Variants in PRKCH observed in about 807,000 individuals in gnomAD.
The protein encoded by PRKCH is protein kinase C eta, also known as protein kinase C eta type.
PRKCH carries 28 observed loss-of-function variants against 82.5 expected under a neutral mutation model. The ratio of observed to expected loss-of-function variants is 0.34; its 90% CI spans 0.25 to 0.47. PRKCH has a LOEUF of 0.47. Among genes scored for constraint, PRKCH ranks in the 20% least tolerant of loss-of-function variants. The pLI is 1.00. For missense variants in PRKCH, 705 were observed against 881.8 expected (o/e 0.80, Z 2.54); for synonymous variants, 322 against 327.4 (o/e 0.98, Z 0.18).
intron 1 of PRKCH, among the ~76,000 whole-genome samples, chr14:61,236,882 G>C (rs1159184563): frequency 6.6e-6 from 1 of 151,992 alleles, no homozygotes; most frequent in African/African-American, 2.4e-5. Flanking sequence ...GTCTAAAAAG[G>C]GGATGCATGA....
At position 61,280,404 on chromosome 14, in the gene PRKCH, C is replaced by G. The variant is rs1482285923; in HGVS notation, c.-19+92736C>G. 1.2e-6 allele frequency: 2 copies of G among 1,614,012 alleles called. No homozygotes were observed. Among genetic ancestry groups the G allele is most frequent in the South Asian group, 2.2e-5 (2 of 91,082 alleles). On this transcript the variant is annotated intron_variant, in intron 1 of 3. Transcript: ENST00000555185. The surrounding 1 kb of genome is among the most constrained non-coding windows in gnomAD (Gnocchi z 5.0). The stretch of plus-strand genomic sequence containing the variant: ...CCGTGCGCATCCACACCACGAAGTC[C>G]TGATTGATGAAGCCGGTGTTGTTGG...
At chr14:61,245,170 C>A (rs534610350) in intron 1 of PRKCH, among the ~76,000 whole-genome samples, 1 of 152,240 alleles carries the variant, frequency 6.6e-6, no homozygotes, top group African/African-American at 2.4e-5. Context: ...TTGGAGCTTG[C>A]AAATCAATTT....
intron 1 of PRKCH, among the ~76,000 whole-genome samples, chr14:61,302,804 A>G (rs546225029): frequency 6.6e-6 from 1 of 152,202 alleles, no homozygotes; most frequent in African/African-American, 2.4e-5. Context: ...CACGAGATCT[A>G]TCTTGGTAAC....
intron 1 of PRKCH, among the ~76,000 whole-genome samples, chr14:61,343,517 G>C (rs193026330): frequency 6.6e-6 from 1 of 152,274 alleles, no homozygotes; most frequent in East Asian, 1.9e-4. Flanking sequence ...TTCTGGAGCT[G>C]TGATAGAACC....
At chr14:61,205,056 C>T (rs2044511788) in intron 1 of PRKCH, among the ~76,000 whole-genome samples, 1 of 152,002 alleles carries the variant, frequency 6.6e-6, no homozygotes, top group Admixed American at 6.6e-5. Context: ...TTAAAAAGTC[C>T]TGGGTTCTCC....
At chr14:61,504,613 G>A (rs1264907522) in intron 10 of PRKCH, among the ~76,000 whole-genome samples, 1 of 152,130 alleles carries the variant, frequency 6.6e-6, no homozygotes, top group Non-Finnish European at 1.5e-5. Context: ...AAATTGAGAG[G>A]GGTCCCTCTG....
chr14:61,407,612 G>A (rs905158557), intron 2 of PRKCH, among the ~76,000 whole-genome samples: 1 of 152,144 alleles, frequency 6.6e-6, no homozygotes, highest in Non-Finnish European at 1.5e-5. Flanking sequence ...GCTCAAATGT[G>A]TCTGGGAGCT....
chr14:61,364,451 T>C (rs2046272204), intron 1 of PRKCH, among the ~76,000 whole-genome samples: 1 of 151,992 alleles, frequency 6.6e-6, no homozygotes, highest in Non-Finnish European at 1.5e-5. Flanking sequence ...CAGCAGATAC[T>C]GAGACTGGTC....
intron 10 of PRKCH, among the ~76,000 whole-genome samples, chr14:61,495,224 T>C (rs8003792): frequency 0.98 from 149,000 of 152,362 alleles, 72,929 homozygotes; most frequent in East Asian, 1. Flanking sequence ...GACATTTAAG[T>C]CCTGGGACAC....
At chr14:61,499,072 T>G (rs1191920744) in intron 10 of PRKCH, among the ~76,000 whole-genome samples, 1 of 152,146 alleles carries the variant, frequency 6.6e-6, no homozygotes, top group African/African-American at 2.4e-5. Flanking sequence ...TTTGGCTCAT[T>G]AAGCCATGCA....
At chr14:61,420,294 G>A (rs527484293) in intron 2 of PRKCH, among the ~76,000 whole-genome samples, 9 of 152,282 alleles carry the variant, frequency 5.9e-5, no homozygotes, top group Admixed American at 5.2e-4. Context: ...TTGTGTGGGG[G>A]ATGCTGGGAG....
rs78946285 is a variant in PRKCH, at chr14:61,477,553, G to A, written c.1279-7949G>A. On this transcript the variant is annotated intron_variant, in intron 9 of 13. Transcript: ENST00000332981. ...AAGAATAACTGCTATAAAAAGTCTC[G>A]CTTACAGTAATATGTTTTTAGTACA... 7.7e-3 allele frequency among the ~76,000 whole-genome samples: 1,169 copies of A among 152,194 alleles called. 15 individuals are homozygous for A. The highest frequency in any genetic ancestry group is 0.027 in the African/African-American group (1,122 of 41,498).
intron 10 of PRKCH, 99 bp from the exon 11 acceptor site, chr14:61,528,976 G>A (rs1219493089): frequency 5.0e-5 from 45 of 906,430 alleles, no homozygotes; most frequent in Non-Finnish European, 6.8e-5. Flanking sequence ...GGCCGCACGT[G>A]TGTGTGTGTG....
At position 61,453,254 on chromosome 14, in the gene PRKCH, T is replaced by C; in HGVS notation, c.861T>C (p.Cys287=). ...KICKMNVHIR[C]QANVAPNCGV... Reference sequence around the variant, plus strand: ...GTAAAATGAATGTGCATATTCGATGTCAAGCGAACGTGGCCCCTAACTGTG... The same window carrying C: ...GTAAAATGAATGTGCATATTCGATGCCAAGCGAACGTGGCCCCTAACTGTG... Residue 287 remains cysteine (C), a synonymous_variant, in exon 7 of 14, where the codon TGT becomes TGC. Transcript: ENST00000332981. 1 of 1,614,218 alleles carries C rather than the reference T, an allele frequency of 6.2e-7. No homozygotes were observed. Among genetic ancestry groups the C allele is most frequent in the East Asian group, 2.2e-5 (1 of 44,886 alleles).
At chr14:61,449,378 C>G in intron 5 of PRKCH, 126 bp downstream of exon 5, 1 of 753,416 alleles carries the variant, frequency 1.3e-6, no homozygotes, top group Non-Finnish European at 2.2e-6. Context: ...CAAACCTCTG[C>G]TTTCCTCCCC....
chr14:61,439,237 G>A (rs570233852), intron 2 of PRKCH, among the ~76,000 whole-genome samples: 1 of 152,282 alleles, frequency 6.6e-6, no homozygotes, highest in Non-Finnish European at 1.5e-5. Flanking sequence ...TGCAAACAAT[G>A]AGGAAGTTCC....
At chr14:61,317,238 T>C (rs546396091), upstream of PRKCH, among the ~76,000 whole-genome samples, 1 of 152,304 alleles carries the variant, frequency 6.6e-6, no homozygotes, top group African/African-American at 2.4e-5. Flanking sequence ...GCCCTTCTTC[T>C]AGTGATTCCA....
intron 1 of PRKCH, among the ~76,000 whole-genome samples, chr14:61,339,211 G>A (rs2045897178): frequency 6.6e-6 from 1 of 151,852 alleles, no homozygotes; most frequent in Admixed American, 6.6e-5. Context: ...TCCTGTTCAG[G>A]CTTAGCCCTC....
intron 1 of PRKCH, among the ~76,000 whole-genome samples, chr14:61,328,658 G>T (rs1253587901): frequency 6.6e-6 from 1 of 152,066 alleles, no homozygotes; most frequent in Non-Finnish European, 1.5e-5. Context: ...GAATAATAGA[G>T]GTGCCTGGGA....
Sources: allele counts gnomAD v4.1 joint callset (sites outside exome capture counted in the v4.1 genomes callset), GRCh38; gene constraint gnomAD v4.1.1; non-coding constraint Gnocchi (gnomAD v3.1); transcripts MANE v1.5; gene names NCBI Gene and HGNC (gene_info 2026-07-23, HGNC 2026-07-21).